SLC71A2: variants seen among roughly 807,000 people sequenced by gnomAD.
The protein encoded by SLC71A2 is hippocampus abundant transcript-like 1.
At chr9:94,385,230 A>G in the SLC71A2 span, among the ~76,000 whole-genome samples, 16 of 152,188 alleles carry the variant, frequency 1.1e-4, no homozygotes, top group African/African-American at 3.6e-4. Flanking sequence ...CATAAGTTTT[A>G]AATTCTGATA....
the SLC71A2 span, among the ~76,000 whole-genome samples, chr9:94,441,268 G>T: frequency 2.0e-5 from 3 of 152,284 alleles, no homozygotes; most frequent in South Asian, 6.2e-4. Context: ...AGTTCTGCAG[G>T]CTATAAAGGA....
chr9:94,456,600 T>C, the SLC71A2 span, among the ~76,000 whole-genome samples: 11 of 137,258 alleles, frequency 8.0e-5, no homozygotes, highest in African/African-American at 2.6e-4. Flanking sequence ...CTTTTCAGTT[T>C]TGATACATCT....
chr9:94,399,254 AT>A, the SLC71A2 span, among the ~76,000 whole-genome samples: 1 of 151,978 alleles, frequency 6.6e-6, no homozygotes, highest in Non-Finnish European at 1.5e-5. Flanking sequence ...CCTCTTACAT[AT>A]TTCCCACTCT....
At chr9:94,417,849 TCCCACCCCAC>T in the SLC71A2 span, among the ~76,000 whole-genome samples, 303 of 51,538 alleles carry the variant, frequency 5.9e-3, 1 homozygote, top group African/African-American at 0.017. Flanking sequence ...ATAGGCAAGT[TCCCACCCCAC>T]CCCCCCCCCC....
the SLC71A2 span, among the ~76,000 whole-genome samples, chr9:94,424,085 T>C: frequency 6.6e-6 from 1 of 152,144 alleles, no homozygotes; most frequent in Non-Finnish European, 1.5e-5. Flanking sequence ...ATTGAAAAAA[T>C]TCTTCTTTCC....
At chr9:94,452,346 C>T in the SLC71A2 span, among the ~76,000 whole-genome samples, 26 of 152,086 alleles carry the variant, frequency 1.7e-4, no homozygotes, top group African/African-American at 5.6e-4. Flanking sequence ...CCTGTAATCC[C>T]AGCACTTTGG....
At chr9:94,460,415 A>G in the SLC71A2 span, 1 of 152,566 alleles carries the variant, frequency 6.6e-6, no homozygotes, top group African/African-American at 2.4e-5. Flanking sequence ...TTTTCAATTC[A>G]TCTTTATTTC....
chr9:94,418,193 A>G, the SLC71A2 span, among the ~76,000 whole-genome samples: 6 of 152,126 alleles, frequency 3.9e-5, no homozygotes, highest in African/African-American at 1.4e-4. Context: ...ATAATGTCTC[A>G]TACATCTCTG....
the SLC71A2 span, chr9:94,444,869 G>T: frequency 9.8e-6 from 11 of 1,118,082 alleles, no homozygotes; most frequent in Admixed American, 2.0e-4. Context: ...CTTTCCTGAA[G>T]GTGTGCACCT....
chr9:94,459,927 A>G, the SLC71A2 span: 1 of 153,746 alleles, frequency 6.5e-6, no homozygotes, highest in Non-Finnish European at 1.5e-5. Context: ...TCAGGGATCT[A>G]CTGTCTTTGT....
At chr9:94,425,257 T>C in the SLC71A2 span, among the ~76,000 whole-genome samples, 1 of 152,192 alleles carries the variant, frequency 6.6e-6, no homozygotes, top group Admixed American at 6.5e-5. Flanking sequence ...TGAGCCGAGA[T>C]CGTGCCACTG....
the SLC71A2 span, among the ~76,000 whole-genome samples, chr9:94,444,382 C>T: frequency 6.6e-6 from 1 of 152,200 alleles, no homozygotes; most frequent in Non-Finnish European, 1.5e-5. Context: ...TCAACTTCCA[C>T]CTCAACAAAT....
chr9:94,412,990 AGAT>A, the SLC71A2 span, among the ~76,000 whole-genome samples: 10 of 151,964 alleles, frequency 6.6e-5, no homozygotes, highest in South Asian at 8.3e-4. Context: ...GAATTTTATG[AGAT>A]GTGACATATT....
At chr9:94,449,058 T>C in the SLC71A2 span, among the ~76,000 whole-genome samples, 4 of 152,182 alleles carry the variant, frequency 2.6e-5, no homozygotes, top group Non-Finnish European at 5.9e-5. Context: ...ACATTACATA[T>C]GCATTTAACA....
chr9:94,381,598 A>G, the SLC71A2 span, among the ~76,000 whole-genome samples: 6 of 152,336 alleles, frequency 3.9e-5, no homozygotes, highest in South Asian at 4.1e-4. Context: ...CTGTGTGCCA[A>G]TCTTTGTACA....
chr9:94,400,833 A>G, the SLC71A2 span, among the ~76,000 whole-genome samples: 1 of 152,110 alleles, frequency 6.6e-6, no homozygotes, highest in African/African-American at 2.4e-5. Context: ...ATACAGAACA[A>G]TTTTACTACC....
At chr9:94,433,275 C>T in the SLC71A2 span, 3 of 190,252 alleles carry the variant, frequency 1.6e-5, no homozygotes, top group African/African-American at 2.3e-5. Context: ...CTGTGGCCCT[C>T]GGATCCCCCT....
the SLC71A2 span, chr9:94,456,424 A>G: frequency 9.8e-7 from 1 of 1,025,078 alleles, no homozygotes. Context: ...TCTCCCCATC[A>G]ACAGCAGGAG....
At chr9:94,431,959 C>G in the SLC71A2 span, among the ~76,000 whole-genome samples, 1 of 152,158 alleles carries the variant, frequency 6.6e-6, no homozygotes, top group Non-Finnish European at 1.5e-5. Flanking sequence ...TGTAGCTGGT[C>G]TGAACCATTT....
Sources: gnomAD v4.1 joint callset for allele counts (sites outside exome capture counted in the v4.1 genomes callset) on GRCh38, gnomAD v4.1.1 for gene constraint, MANE v1.5 for transcripts, NCBI Gene and HGNC (gene_info 2026-07-23, HGNC 2026-07-21) for gene names.